Variants in RBFOX1 observed in about 807,000 individuals in gnomAD.
RBFOX1 encodes the protein RNA binding fox-1 homolog 1.
Under a neutral mutation model 57.7 loss-of-function variants are expected in RBFOX1, and 8 were observed. The observed-to-expected ratio is 0.14, with a 90% CI of 0.08 to 0.25. The LOEUF (loss-of-function observed/expected upper bound fraction) is 0.25. RBFOX1 is among the 10% of genes least tolerant of loss of function. The pLI, the probability that RBFOX1 is intolerant of heterozygous loss-of-function variation, is 1.00. For missense variants in RBFOX1, 611 were observed against 548.5 expected (o/e 1.11, Z -1.14); for synonymous variants, 326 against 222.4 (o/e 1.47, Z -4.15).
At chr16:6,166,120 C>G (rs925287665) in intron 1 of RBFOX1, among the ~76,000 whole-genome samples, 11 of 152,124 alleles carry the variant, frequency 7.2e-5, no homozygotes, top group Admixed American at 6.5e-4. Context: ...ATAATCAAGA[C>G]TGTTTTGGTG....
At chr16:5,247,949 C>A (rs1210914963) in intron 1 of RBFOX1, among the ~76,000 whole-genome samples, 5 of 152,128 alleles carry the variant, frequency 3.3e-5, no homozygotes, top group Admixed American at 1.3e-4. Flanking sequence ...GGTTTCCTCA[C>A]CATGTGGCTG....
At chr16:5,775,621 C>T (rs1343105505) in intron 3 of RBFOX1, among the ~76,000 whole-genome samples, 1 of 152,198 alleles carries the variant, frequency 6.6e-6, no homozygotes, top group East Asian at 1.9e-4. Flanking sequence ...TTTCCCTTGT[C>T]TCTGTTCATC....
chr16:6,283,276 G>T (rs2076581042), intron 1 of RBFOX1, among the ~76,000 whole-genome samples: 1 of 152,164 alleles, frequency 6.6e-6, no homozygotes, highest in African/African-American at 2.4e-5. Flanking sequence ...ACAGTGAGCT[G>T]TGATGGCACT....
chr16:6,110,195 C>CTTTTTTTTTTTTTTTTTTTTTTTT (rs3049169), intron 1 of RBFOX1, among the ~76,000 whole-genome samples: 1 of 128,264 alleles, frequency 7.8e-6, no homozygotes, highest in African/African-American at 2.9e-5. Context: ...TTTTCTTCTT[C>CTTTTTTTTTTTTTTTTTTTTTTTT]TTTTTTTTTT....
intron 6 of RBFOX1, among the ~76,000 whole-genome samples, chr16:7,583,264 A>G (rs1447437290): frequency 6.6e-6 from 1 of 151,918 alleles, no homozygotes; most frequent in Non-Finnish European, 1.5e-5. Flanking sequence ...GTTCAAGGGA[A>G]TGGATCTGTT....
At chr16:5,865,137 A>G (rs971466617) in intron 3 of RBFOX1, among the ~76,000 whole-genome samples, 2 of 152,212 alleles carry the variant, frequency 1.3e-5, no homozygotes, top group East Asian at 1.9e-4. Flanking sequence ...TCTTTTGCCC[A>G]TGGAGCTTAG....
At chr16:7,326,718 GA>G (rs2072781271) in intron 4 of RBFOX1, among the ~76,000 whole-genome samples, 1 of 151,994 alleles carries the variant, frequency 6.6e-6, no homozygotes, top group South Asian at 2.1e-4. Flanking sequence ...TCCTTAATCA[GA>G]AACATAAAAG....
intron 3 of RBFOX1, among the ~76,000 whole-genome samples, chr16:6,689,010 G>A (rs1180137208): frequency 6.6e-6 from 1 of 152,182 alleles, no homozygotes; most frequent in Non-Finnish European, 1.5e-5. Context: ...GTTTATATGT[G>A]CTGCATTTTC....
At chr16:6,944,383 G>C (rs1391006100) in intron 3 of RBFOX1, among the ~76,000 whole-genome samples, 4 of 129,040 alleles carry the variant, frequency 3.1e-5, no homozygotes, top group African/African-American at 1.2e-4. Flanking sequence ...AACAGAGCAA[G>C]ACTCCATCTC....
intron 3 of RBFOX1, among the ~76,000 whole-genome samples, chr16:6,997,307 T>G (rs911845485): frequency 6.6e-6 from 1 of 152,174 alleles, no homozygotes; most frequent in African/African-American, 2.4e-5. Flanking sequence ...TTTATATTTG[T>G]TAAAATAACA....
chr16:6,660,889 G>A (rs1218788088), intron 3 of RBFOX1, among the ~76,000 whole-genome samples: 1 of 152,164 alleles, frequency 6.6e-6, no homozygotes, highest in African/African-American at 2.4e-5. Flanking sequence ...ATGGGACCTA[G>A]TAGGCCTTGG....
At chr16:7,696,851 G>A (rs1023256882) in intron 14 of RBFOX1, among the ~76,000 whole-genome samples, 6 of 152,140 alleles carry the variant, frequency 3.9e-5, no homozygotes, top group African/African-American at 1.4e-4. Context: ...TAAATATAAA[G>A]TGAACGTGTG....
intron 2 of RBFOX1, among the ~76,000 whole-genome samples, chr16:6,351,659 C>T (rs2086426367): frequency 1.3e-5 from 2 of 151,876 alleles, no homozygotes; most frequent in East Asian, 1.9e-4. Context: ...CAGGCATAAG[C>T]CACCGCTCCC....
chr16:7,187,928 G>A (rs1315633838), intron 4 of RBFOX1, among the ~76,000 whole-genome samples: 1 of 152,102 alleles, frequency 6.6e-6, no homozygotes, highest in East Asian at 1.9e-4. Context: ...ATGACCGCAT[G>A]GGTCAAATCA....
At chr16:6,704,643 C>T (rs990612395) in intron 3 of RBFOX1, 1 of 152,550 alleles carries the variant, frequency 6.6e-6, no homozygotes, top group Non-Finnish European at 1.5e-5. Context: ...GAGACAGAGA[C>T]AGGGAGAGAG....
At chr16:6,938,412 T>G (rs2077732558) in intron 3 of RBFOX1, among the ~76,000 whole-genome samples, 2 of 152,306 alleles carry the variant, frequency 1.3e-5, no homozygotes, top group South Asian at 4.2e-4. Flanking sequence ...GTCGGAAAAA[T>G]GTAACTGTTA....
intron 3 of RBFOX1, among the ~76,000 whole-genome samples, chr16:5,675,005 C>T (rs1370990285): frequency 2.6e-5 from 4 of 151,994 alleles, no homozygotes; most frequent in African/African-American, 9.7e-5. Flanking sequence ...AAAAATTAGC[C>T]AGCCATGGTG....
chr16:6,889,135 C>T (rs2064834986), intron 3 of RBFOX1, among the ~76,000 whole-genome samples: 1 of 152,172 alleles, frequency 6.6e-6, no homozygotes, highest in African/African-American at 2.4e-5. Context: ...TTCAAATCTC[C>T]AATCTATTAC....
chr16:6,426,128 TTC>T (rs1342027045), intron 2 of RBFOX1, among the ~76,000 whole-genome samples: 7 of 151,588 alleles, frequency 4.6e-5, no homozygotes, highest in South Asian at 2.1e-4. Context: ...CTCTCTCTTA[TTC>T]TCTCTCTCTC....
Sources: gnomAD v4.1 joint callset for allele counts (sites outside exome capture counted in the v4.1 genomes callset) on GRCh38, gnomAD v4.1.1 for gene constraint, MANE v1.5 for transcripts, NCBI Gene and HGNC (gene_info 2026-07-23, HGNC 2026-07-21) for gene names.